CDKAL1: variants seen among roughly 807,000 people sequenced by gnomAD.
The protein encoded by CDKAL1 is threonylcarbamoyladenosine tRNA methylthiotransferase.
CDKAL1 carries 32 observed loss-of-function variants against 68.2 expected under a neutral mutation model. That is an observed-to-expected ratio of 0.47 (90% CI 0.35 to 0.63). The LOEUF is 0.63. Ranked by LOEUF, CDKAL1 falls within the 30% of genes least tolerant of loss-of-function variation. CDKAL1 has a pLI of 0.00. For missense variants in CDKAL1, 606 were observed against 696.7 expected (o/e 0.87, Z 1.47); for synonymous variants, 234 against 244.3 (o/e 0.96, Z 0.39).
chr6:20,714,981 A>C (rs896355987), intron 5 of CDKAL1, among the ~76,000 whole-genome samples: 3 of 152,232 alleles, frequency 2.0e-5, no homozygotes, highest in African/African-American at 7.2e-5. Context: ...GATCAGACAC[A>C]TATATAGTAA....
intron 11 of CDKAL1, among the ~76,000 whole-genome samples, chr6:21,035,104 T>A (rs765077683): frequency 6.6e-6 from 1 of 152,182 alleles, no homozygotes; most frequent in Non-Finnish European, 1.5e-5. Context: ...TTAATTTTTG[T>A]GCATGTTGAT....
chr6:20,823,302 G>C (rs376511708), intron 8 of CDKAL1, among the ~76,000 whole-genome samples: 1 of 152,104 alleles, frequency 6.6e-6, no homozygotes, highest in East Asian at 1.9e-4. Flanking sequence ...TTTCCTTACA[G>C]TTACCTGTGC....
At chr6:21,181,968 C>A (rs936394367) in intron 13 of CDKAL1, among the ~76,000 whole-genome samples, 3 of 152,070 alleles carry the variant, frequency 2.0e-5, no homozygotes, top group Non-Finnish European at 4.4e-5. Context: ...TAATAAGTAG[C>A]AAAGAGATGG....
chr6:20,875,197 G>A (rs902293589), intron 9 of CDKAL1, among the ~76,000 whole-genome samples: 18 of 151,342 alleles, frequency 1.2e-4, no homozygotes, highest in Non-Finnish European at 2.4e-4. Context: ...TACTCGGGAG[G>A]CTGAGGCAGG....
chr6:21,031,292 G>A (rs756840125), intron 11 of CDKAL1, among the ~76,000 whole-genome samples: 76 of 151,274 alleles, frequency 5.0e-4, no homozygotes, highest in Non-Finnish European at 2.5e-4. Flanking sequence ...TGCTTTCTTC[G>A]AAGCCCACCA....
At chr6:21,083,252 G>A (rs1299730223) in intron 12 of CDKAL1, among the ~76,000 whole-genome samples, 1 of 152,136 alleles carries the variant, frequency 6.6e-6, no homozygotes, top group Non-Finnish European at 1.5e-5. Context: ...AGAAACAAAG[G>A]TTTGAATGCA....
intron 11 of CDKAL1, 67 bp downstream of exon 11, chr6:21,000,439 C>A: frequency 7.4e-7 from 1 of 1,345,918 alleles, no homozygotes; most frequent in Non-Finnish European, 1.0e-6. Flanking sequence ...GGCAAAAATG[C>A]ACTTATTGCA....
intron 4 of CDKAL1, among the ~76,000 whole-genome samples, chr6:20,566,783 G>A (rs552798292): frequency 1.3e-5 from 2 of 152,198 alleles, no homozygotes; most frequent in South Asian, 4.1e-4. Flanking sequence ...GGAAAATACT[G>A]TATGTGGTTC....
At chr6:20,764,584 C>T (rs1198319626) in intron 7 of CDKAL1, among the ~76,000 whole-genome samples, 1 of 152,138 alleles carries the variant, frequency 6.6e-6, no homozygotes, top group African/African-American at 2.4e-5. Context: ...AGAGCATAAA[C>T]TGTTCATAGG....
intron 8 of CDKAL1, among the ~76,000 whole-genome samples, chr6:20,808,529 A>G (rs906553449): frequency 6.6e-6 from 1 of 152,142 alleles, no homozygotes; most frequent in Non-Finnish European, 1.5e-5. Flanking sequence ...CTGGAGCATT[A>G]TAGCAGTGTT....
At chr6:21,118,770 G>A (rs1774551227) in intron 13 of CDKAL1, among the ~76,000 whole-genome samples, 1 of 152,102 alleles carries the variant, frequency 6.6e-6, no homozygotes, top group South Asian at 2.1e-4. Context: ...CATTTTAAAT[G>A]CACATGTCTC....
rs1206215265 is a variant in CDKAL1 at position 20,623,210 on chromosome 6, A to G, written c.287-26083A>G. 2.6e-5 allele frequency among the ~76,000 whole-genome samples: 4 copies of G among 152,134 alleles called. No individual in the cohort carries two copies. In the East Asian group the frequency reaches 7.7e-4, roughly 29 times the overall value. On this transcript the variant is annotated intron_variant, in intron 4 of 15. Coordinates refer to ENST00000274695, the MANE Select transcript of CDKAL1 (RefSeq NM_017774.3). ...AAGCCCATTCATTTTTTTAGTAACA[A>G]CAGATAAAGAGCTTAACTAAAGTTG...
At chr6:21,210,146 G>A (rs1779097325) in intron 15 of CDKAL1, among the ~76,000 whole-genome samples, 1 of 152,172 alleles carries the variant, frequency 6.6e-6, no homozygotes, top group Non-Finnish European at 1.5e-5. Context: ...AATTCCAAAA[G>A]TTGAGCCAGC....
chr6:20,925,806 C>T (rs1232414922), intron 9 of CDKAL1, among the ~76,000 whole-genome samples: 1 of 152,102 alleles, frequency 6.6e-6, no homozygotes, highest in East Asian at 1.9e-4. Context: ...ATATTAGTTA[C>T]AGAGTACTGT....
At chr6:21,106,772 GGT>G (rs1773863243) in intron 12 of CDKAL1, among the ~76,000 whole-genome samples, 1 of 152,078 alleles carries the variant, frequency 6.6e-6, no homozygotes, top group African/African-American at 2.4e-5. Context: ...AGCGGATTTT[GGT>G]ATCTACGGGG....
chr6:20,557,274 T>C (rs1347601838), intron 4 of CDKAL1, among the ~76,000 whole-genome samples: 3 of 151,984 alleles, frequency 2.0e-5, no homozygotes, highest in African/African-American at 7.2e-5. Flanking sequence ...TGATGTCTGT[T>C]GTTAATATCT....
At position 20,539,210 on chromosome 6, in the gene CDKAL1, C is replaced by T. The variant is rs539723207; in HGVS notation, c.-6+3816C>T. 2.6e-5 allele frequency among the ~76,000 whole-genome samples: 4 copies of T among 152,166 alleles called. No homozygotes were observed. The highest frequency in any genetic ancestry group is 1.9e-4 in the East Asian group (1 of 5,182). On this transcript the variant is annotated intron_variant, in intron 2 of 15. Coordinates refer to ENST00000274695, the MANE Select transcript of CDKAL1 (RefSeq NM_017774.3). The surrounding 1 kb of genome is among the most constrained non-coding windows in gnomAD (Gnocchi z 4.3). Reference sequence around the variant, plus strand: ...GAGGAATAGCAATTATGAAGGCTCCCGAGTCAGAAACTAATTTGGCATACT... The same window carrying T: ...GAGGAATAGCAATTATGAAGGCTCCTGAGTCAGAAACTAATTTGGCATACT...
At chr6:21,117,599 T>G in intron 13 of CDKAL1, among the ~76,000 whole-genome samples, 1 of 152,140 alleles carries the variant, frequency 6.6e-6, no homozygotes, top group Non-Finnish European at 1.5e-5. Context: ...ATTGCACCAC[T>G]GCACTCCAGC....
At chr6:20,804,938 T>C (rs986288229) in intron 8 of CDKAL1, among the ~76,000 whole-genome samples, 1 of 152,166 alleles carries the variant, frequency 6.6e-6, no homozygotes, top group African/African-American at 2.4e-5. Context: ...AAAAGTCCTG[T>C]TGTTTGAGCC....
Sources: gnomAD v4.1 joint callset for allele counts (sites outside exome capture counted in the v4.1 genomes callset) on GRCh38, gnomAD v4.1.1 for gene constraint, Gnocchi (gnomAD v3.1) non-coding constraint, MANE v1.5 for transcripts, NCBI Gene and HGNC (gene_info 2026-07-23, HGNC 2026-07-21) for gene names.